RPS6KC1: variants seen among roughly 807,000 people sequenced by gnomAD.
RPS6KC1 encodes ribosomal protein S6 kinase C1.
In RPS6KC1, 54 loss-of-function variants were observed where a neutral mutation model predicts 103.8. The observed-to-expected ratio is 0.52, with a 90% CI of 0.42 to 0.65. The LOEUF is 0.65. RPS6KC1 is among the 30% of genes least tolerant of loss of function. The probability of loss-of-function intolerance (pLI) is 0.00; values close to 1 mark genes in which losing one functional copy is unlikely to be tolerated. For synonymous variants in RPS6KC1, 439 were observed against 438.7 expected (o/e 1.00, Z -0.01); for missense variants, 1,151 against 1,253.8 (o/e 0.92, Z 1.24).
the RPS6KC1 span, among the ~76,000 whole-genome samples, chr1:213,309,632 A>G: frequency 2.6e-5 from 4 of 152,258 alleles, no homozygotes; most frequent in South Asian, 2.1e-4. Context: ...TGCTTTGCCA[A>G]TTCTTCTGGT....
At chr1:213,759,853 G>A in the RPS6KC1 span, among the ~76,000 whole-genome samples, 1 of 152,208 alleles carries the variant, frequency 6.6e-6, no homozygotes, top group Admixed American at 6.5e-5. Context: ...ATGTCCTCTA[G>A]CAAGCCCCCT....
chr1:213,610,544 G>A, the RPS6KC1 span, among the ~76,000 whole-genome samples: 1 of 152,146 alleles, frequency 6.6e-6, no homozygotes. Flanking sequence ...CTCGTTTCCT[G>A]ACCCCTGGCC....
chr1:213,087,058 T>A (rs908720552), intron 3 of RPS6KC1, among the ~76,000 whole-genome samples: 6 of 152,160 alleles, frequency 3.9e-5, no homozygotes, highest in Non-Finnish European at 8.8e-5. Flanking sequence ...AAAAAATAAT[T>A]CTTGAGGAAT....
At chr1:213,171,235 C>A (rs991189126) in intron 7 of RPS6KC1, among the ~76,000 whole-genome samples, 3 of 151,960 alleles carry the variant, frequency 2.0e-5, no homozygotes, top group Non-Finnish European at 4.4e-5. Flanking sequence ...TCTTTTTCTT[C>A]ATTGCTTCAT....
intron 8 of RPS6KC1, among the ~76,000 whole-genome samples, chr1:213,209,695 CAAAA>C (rs60840755): frequency 1.1e-4 from 6 of 54,130 alleles, no homozygotes; most frequent in South Asian, 1.3e-3. Flanking sequence ...AACTCCGTCT[CAAAA>C]AAAAAAAAAA....
the RPS6KC1 span, among the ~76,000 whole-genome samples, chr1:213,449,737 TACCATCA>T: frequency 1.3e-5 from 2 of 152,242 alleles, no homozygotes; most frequent in African/African-American, 4.8e-5. Flanking sequence ...CTCCTGCCTC[TACCATCA>T]ATGTTTGCTT....
the RPS6KC1 span, among the ~76,000 whole-genome samples, chr1:213,598,820 C>G: frequency 3.9e-5 from 6 of 152,086 alleles, no homozygotes; most frequent in Non-Finnish European, 8.8e-5. Context: ...ACTCTGGAGA[C>G]TGAGGCAGAA....
chr1:213,509,118 G>C, the RPS6KC1 span, among the ~76,000 whole-genome samples: 2 of 152,268 alleles, frequency 1.3e-5, no homozygotes, highest in African/African-American at 4.8e-5. Context: ...GGGACATTTT[G>C]GTAGTAAGGT....
the RPS6KC1 span, among the ~76,000 whole-genome samples, chr1:213,419,326 G>C: frequency 1.3e-5 from 2 of 152,226 alleles, no homozygotes; most frequent in Non-Finnish European, 2.9e-5. Context: ...GGATCAGTAA[G>C]CAATTTGTTG....
chr1:213,189,762 G>A (rs2841432), intron 8 of RPS6KC1, among the ~76,000 whole-genome samples: 2,889 of 151,770 alleles, frequency 0.019, 95 homozygotes, highest in African/African-American at 0.065. Context: ...TCTATTTTTT[G>A]TACCCATTGT....
Position 213,117,369 on chromosome 1 carries a change from C to T in RPS6KC1, c.431C>T (p.Ser144Leu), listed in dbSNP as rs768466924. 1.9e-6 allele frequency: 3 copies of T among 1,610,644 alleles called. No homozygotes were observed. Among genetic ancestry groups the T allele is most frequent in the Non-Finnish European group, 8.5e-7 (1 of 1,177,410 alleles). Reference sequence around the variant, plus strand: ...TTAATTGGTCCTGCTGAAGCTCACTCAGATTCCCTCATTGATACCTTTCCT... The same window carrying T: ...TTAATTGGTCCTGCTGAAGCTCACTTAGATTCCCTCATTGATACCTTTCCT... ...SELIGPAEAH[S>L]DSLIDTFPEC... The change falls in exon 5 of 15, where the codon TCA becomes TTA. Residue 144 changes from serine to leucine, a missense_variant. Transcript: ENST00000366960.
chr1:213,763,519 G>C, the RPS6KC1 span, among the ~76,000 whole-genome samples: 8 of 152,154 alleles, frequency 5.3e-5, no homozygotes, highest in Non-Finnish European at 1.0e-4. Context: ...TCTATTCATG[G>C]GACCTGGTCC....
At position 213,262,927 on chromosome 1, in the gene RPS6KC1, G is replaced by A. The variant is rs41304117; in HGVS notation, c.3090+111G>A. 4.7e-3 allele frequency: 3,414 copies of A among 724,932 alleles called. 8 individuals are homozygous for A. Among genetic ancestry groups the A allele is most frequent in the Non-Finnish European group, 6.4e-3 (2,582 of 402,438 alleles). 44.9% of individuals were successfully genotyped at this position (724,932 alleles called of 1,614,324 possible). A position where few individuals can be genotyped will look rare whatever the true frequency, so the allele number is the denominator to read the frequency against. On this transcript the variant is annotated intron_variant, in intron 14 of 14. Transcript: ENST00000366960. ...TTGGAGCAAGAAAAACCCATTTAAC[G>A]TAAAACAAAGACACGTTCAGAATTA...
At chr1:213,525,289 T>TAAGAGA in the RPS6KC1 span, among the ~76,000 whole-genome samples, 1 of 151,914 alleles carries the variant, frequency 6.6e-6, no homozygotes, top group Non-Finnish European at 1.5e-5. Flanking sequence ...TGTGGGGGTG[T>TAAGAGA]AAGAGAAAGA....
the RPS6KC1 span, among the ~76,000 whole-genome samples, chr1:213,693,375 C>T: frequency 6.6e-6 from 1 of 152,204 alleles, no homozygotes; most frequent in South Asian, 2.1e-4. Flanking sequence ...TGCCCAGTAT[C>T]CCAATGGTCC....
At chr1:213,067,084 G>A (rs2078397974) in intron 1 of RPS6KC1, among the ~76,000 whole-genome samples, 1 of 152,086 alleles carries the variant, frequency 6.6e-6, no homozygotes, top group Non-Finnish European at 1.5e-5. Context: ...TCCCCACGTC[G>A]AGTTGTCCCA....
chr1:213,545,565 A>G, the RPS6KC1 span, among the ~76,000 whole-genome samples: 3 of 152,002 alleles, frequency 2.0e-5, no homozygotes, highest in Non-Finnish European at 4.4e-5. Flanking sequence ...TCCATTTTGT[A>G]AAGACACCAG....
At chr1:213,648,144 T>C in the RPS6KC1 span, among the ~76,000 whole-genome samples, 1 of 152,208 alleles carries the variant, frequency 6.6e-6, no homozygotes, top group Non-Finnish European at 1.5e-5. Context: ...TTTGAAACCA[T>C]GAACTACCTC....
At chr1:213,426,222 G>A in the RPS6KC1 span, among the ~76,000 whole-genome samples, 2 of 152,100 alleles carry the variant, frequency 1.3e-5, no homozygotes, top group African/African-American at 4.8e-5. Flanking sequence ...CCTTGTGTCT[G>A]GTATTGTGTT....
Sources: gnomAD v4.1 joint callset for allele counts (sites outside exome capture counted in the v4.1 genomes callset) on GRCh38, gnomAD v4.1.1 for gene constraint, MANE v1.5 for transcripts, NCBI Gene and HGNC (gene_info 2026-07-23, HGNC 2026-07-21) for gene names.